KDM6A: variants seen among roughly 807,000 people sequenced by gnomAD.
The protein encoded by KDM6A is lysine-specific demethylase 6A.
Under a neutral mutation model 117.6 loss-of-function variants are expected in KDM6A, and 11 were observed. That is an observed-to-expected ratio of 0.09 (90% CI 0.06 to 0.15). KDM6A has a LOEUF of 0.15. Ranked by LOEUF, KDM6A falls within the 10% of genes least tolerant of loss-of-function variation. The probability of loss-of-function intolerance (pLI) is 1.00; values close to 1 mark genes in which losing one functional copy is unlikely to be tolerated. For synonymous variants in KDM6A, 384 were observed against 396.1 expected (o/e 0.97, Z 0.36); for missense variants, 799 against 1,077.3 (o/e 0.74, Z 3.62).
At chrX:45,046,930 G>A (rs1373406329) in intron 8 of KDM6A, among the ~76,000 whole-genome samples, 1 of 109,439 alleles carries the variant, frequency 9.1e-6, no homozygotes, top group Non-Finnish European at 1.9e-5. Flanking sequence ...AATGTTCTTG[G>A]CTCTTACTTT....
At chrX:44,921,154 G>C (rs886384190) in intron 2 of KDM6A, among the ~76,000 whole-genome samples, 4 of 111,306 alleles carry the variant, frequency 3.6e-5, no homozygotes, top group African/African-American at 6.5e-5. Context: ...ATTACTTACA[G>C]GCGTGAGCCA....
intron 8 of KDM6A, among the ~76,000 whole-genome samples, chrX:45,044,402 C>T (rs1455445816): frequency 1.8e-5 from 2 of 111,378 alleles, no homozygotes; most frequent in African/African-American, 6.5e-5. Context: ...GGATTTCTCC[C>T]TTTTCATTCT....
intron 27 of KDM6A, among the ~76,000 whole-genome samples, chrX:45,095,406 G>A (rs1222025239): frequency 1.8e-5 from 2 of 110,943 alleles, no homozygotes; most frequent in Admixed American, 1.9e-4. Context: ...GAGAGGAAAA[G>A]GGAAGAAAAA....
At chrX:44,945,524 G>T (rs1375005684) in intron 2 of KDM6A, among the ~76,000 whole-genome samples, 3 of 110,650 alleles carry the variant, frequency 2.7e-5, no homozygotes, top group Non-Finnish European at 5.7e-5. Context: ...TAATTCAAAT[G>T]TATGCCTTGT....
intron 2 of KDM6A, among the ~76,000 whole-genome samples, chrX:44,920,320 A>T (rs1429106720): frequency 8.9e-6 from 1 of 112,320 alleles, no homozygotes; most frequent in Admixed American, 9.4e-5. Flanking sequence ...ATTCGTTTAT[A>T]GTTAAAAAAA....
In KDM6A at chrX:44,873,374, C is replaced by T; in HGVS notation, c.-178C>T. On this transcript the variant is annotated 5_prime_UTR_variant, in exon 1 of 30. Transcript: ENST00000611820. ...CCCGGGGGCTCCGCAGCCCCTGCCGCCGCCGCCGCCGCCTTCACCGCCGCC... is the reference window on the plus strand; with the variant it reads ...CCCGGGGGCTCCGCAGCCCCTGCCGTCGCCGCCGCCGCCTTCACCGCCGCC... The T allele has an allele frequency of 3.0e-6, 2 of 671,865 alleles. No homozygotes were observed. The highest frequency in any genetic ancestry group is 2.2e-6 in the Non-Finnish European group (1 of 461,650). 55.4% of individuals were successfully genotyped at this position (671,865 alleles called of 1,213,427 possible). A position where few individuals can be genotyped will look rare whatever the true frequency, so the allele number is the denominator to read the frequency against.
chrX:45,037,831 T>G (rs1602667255), intron 8 of KDM6A, 142 bp downstream of exon 8: 1 of 464,554 alleles, frequency 2.2e-6, no homozygotes, highest in East Asian at 3.6e-5. Flanking sequence ...TATTTTATAC[T>G]CATTAAATGT....
chrX:44,949,866 G>A (rs2037882165), intron 2 of KDM6A, among the ~76,000 whole-genome samples: 1 of 111,459 alleles, frequency 9.0e-6, no homozygotes, highest in Non-Finnish European at 1.9e-5. Flanking sequence ...CTTTATACAT[G>A]TATCTTTTTG....
At chrX:44,896,714 T>C (rs1038590175) in intron 2 of KDM6A, among the ~76,000 whole-genome samples, 1 of 109,179 alleles carries the variant, frequency 9.2e-6, no homozygotes, top group African/African-American at 3.3e-5. Context: ...GAGACTGTCT[T>C]ATTTGCCTTC....
intron 8 of KDM6A, among the ~76,000 whole-genome samples, chrX:45,051,395 T>C (rs991463827): frequency 3.6e-5 from 4 of 111,719 alleles, no homozygotes; most frequent in African/African-American, 9.8e-5. Context: ...ACGTCTAATG[T>C]TATTAAATAA....
At chrX:44,912,023 AGGGAGAGGGAGAGAGG>A (rs1287238175) in intron 2 of KDM6A, among the ~76,000 whole-genome samples, 3 of 71,640 alleles carry the variant, frequency 4.2e-5, no homozygotes, top group Non-Finnish European at 7.8e-5. Context: ...CGTGGAAAGG[AGGGAGAGGGAGAGAGG>A]GGGAGAGGGG....
chrX:44,905,423 G>C (rs2034597030), intron 2 of KDM6A, among the ~76,000 whole-genome samples: 1 of 112,342 alleles, frequency 8.9e-6, no homozygotes, highest in South Asian at 3.6e-4. Context: ...GCCTAGGTGT[G>C]TAGTAGGATA....
intron 24 of KDM6A, among the ~76,000 whole-genome samples, chrX:45,083,977 C>A (rs902819429): frequency 9.0e-6 from 1 of 111,540 alleles, no homozygotes; most frequent in Admixed American, 9.5e-5. Context: ...TATATGTAAC[C>A]GAATGCACAT....
chrX:44,933,211 G>A (rs1398333775), intron 2 of KDM6A, among the ~76,000 whole-genome samples: 1 of 102,626 alleles, frequency 9.7e-6, no homozygotes, highest in Non-Finnish European at 2.0e-5. Flanking sequence ...TAGATAATGT[G>A]CTTATAATGC....
intron 2 of KDM6A, among the ~76,000 whole-genome samples, chrX:44,934,198 T>G (rs1029735132): frequency 8.9e-6 from 1 of 112,057 alleles, no homozygotes; most frequent in African/African-American, 3.2e-5. Flanking sequence ...CTCATAATCC[T>G]TCCAGGTTCC....
chrX:44,903,503 T>G (rs1602123274), intron 2 of KDM6A, among the ~76,000 whole-genome samples: 1 of 112,086 alleles, frequency 8.9e-6, no homozygotes, highest in Non-Finnish European at 1.9e-5. Flanking sequence ...TTTGGAAAAC[T>G]TTCAGCCATT....
intron 2 of KDM6A, among the ~76,000 whole-genome samples, chrX:44,900,976 T>C (rs1353451316): frequency 1.8e-5 from 2 of 112,905 alleles, no homozygotes; most frequent in Non-Finnish European, 3.7e-5. Context: ...TTTGGAGTGT[T>C]TAAAGTTTTT....
intron 5 of KDM6A, among the ~76,000 whole-genome samples, chrX:45,018,260 G>A (rs2042041070): frequency 9.0e-6 from 1 of 110,801 alleles, no homozygotes; most frequent in Non-Finnish European, 1.9e-5. Flanking sequence ...CAGAAGATTG[G>A]GTCTATAAGG....
intron 3 of KDM6A, among the ~76,000 whole-genome samples, chrX:44,963,092 A>C (rs990904543): frequency 9.0e-6 from 1 of 111,401 alleles, no homozygotes; most frequent in Admixed American, 9.5e-5. Context: ...AACTAAGTTT[A>C]CGTAATATTC....
Sources: allele counts gnomAD v4.1 joint callset (sites outside exome capture counted in the v4.1 genomes callset), GRCh38; gene constraint gnomAD v4.1.1; transcripts MANE v1.5; gene names NCBI Gene and HGNC (gene_info 2026-07-23, HGNC 2026-07-21).